Variants in CPED1 observed in about 807,000 individuals in gnomAD.
The protein encoded by CPED1 is cadherin-like and PC-esterase domain-containing protein 1.
CPED1 carries 114 observed loss-of-function variants against 128.2 expected under a neutral mutation model. The ratio of observed to expected loss-of-function variants is 0.89; its 90% CI spans 0.76 to 1.04. The LOEUF (loss-of-function observed/expected upper bound fraction) is 1.04. CPED1 is among the 50% of genes least tolerant of loss of function. The probability of loss-of-function intolerance (pLI) is 0.00; values close to 1 mark genes in which losing one functional copy is unlikely to be tolerated. For synonymous variants in CPED1, 462 were observed against 426.7 expected, an observed-to-expected ratio of 1.08 and a Z score of -1.02; for missense variants, 1,211 against 1,207.1, an observed-to-expected ratio of 1.00 and a Z score of -0.05.
At chr7:121,023,843 A>G (rs1488691269) in intron 3 of CPED1, among the ~76,000 whole-genome samples, 1 of 152,146 alleles carries the variant, frequency 6.6e-6, no homozygotes, top group African/African-American at 2.4e-5. Context: ...CTCTATGACT[A>G]TTTAGCAGGA....
At chr7:121,059,864 T>G (rs1044831637) in intron 4 of CPED1, among the ~76,000 whole-genome samples, 1 of 152,216 alleles carries the variant, frequency 6.6e-6, no homozygotes, top group Non-Finnish European at 1.5e-5. Flanking sequence ...GGCTCCCACT[T>G]TGGCCGCACT....
intron 4 of CPED1, among the ~76,000 whole-genome samples, chr7:121,055,673 A>T (rs1793479671): frequency 6.6e-6 from 1 of 151,570 alleles, no homozygotes; most frequent in South Asian, 2.1e-4. Flanking sequence ...GCTAGTAAAA[A>T]TTCACTCTAT....
At chr7:121,014,529 G>A (rs1422978325) in intron 2 of CPED1, among the ~76,000 whole-genome samples, 6 of 134,710 alleles carry the variant, frequency 4.5e-5, no homozygotes, top group South Asian at 2.4e-4. Flanking sequence ...CAGCCTGGGC[G>A]ACAGAGCGAG....
intron 2 of CPED1, among the ~76,000 whole-genome samples, chr7:121,012,783 T>G (rs1307372628): frequency 6.6e-6 from 1 of 152,208 alleles, no homozygotes; most frequent in Admixed American, 6.5e-5. Flanking sequence ...TAGTCTGAGA[T>G]GTGGGTTAAA....
At chr7:121,149,548 A>C (rs1294466184) in intron 16 of CPED1, 1 of 152,218 alleles carries the variant, frequency 6.6e-6, no homozygotes, top group Non-Finnish European at 1.5e-5. Context: ...CTGCTAGAAG[A>C]AGCAAACTTT....
chr7:121,016,890 AGAAGAGTCAGATC>A (rs1792317033), intron 3 of CPED1, among the ~76,000 whole-genome samples: 1 of 152,130 alleles, frequency 6.6e-6, no homozygotes, highest in South Asian at 2.1e-4. Context: ...CCTTTGGGGG[AGAAGAGTCAGATC>A]CTGGTATTAC....
intron 16 of CPED1, among the ~76,000 whole-genome samples, chr7:121,203,015 T>C (rs563635036): frequency 6.6e-6 from 1 of 152,206 alleles, no homozygotes; most frequent in South Asian, 2.1e-4. Context: ...AAGCCAGTTG[T>C]TCCTATTTTA....
chr7:121,131,967 T>A (rs2116338638), intron 12 of CPED1, among the ~76,000 whole-genome samples: 1 of 151,614 alleles, frequency 6.6e-6, no homozygotes, highest in East Asian at 1.9e-4. Flanking sequence ...GTAATGTTTT[T>A]TTTTTTTTAA....
chr7:121,119,357 G>A (rs914961114), intron 7 of CPED1, among the ~76,000 whole-genome samples: 1 of 150,666 alleles, frequency 6.6e-6, no homozygotes, highest in African/African-American at 2.4e-5. Context: ...AGTAGAAACG[G>A]GGTTTCACCA....
At chr7:121,144,212 A>G (rs1345778995) in intron 16 of CPED1, among the ~76,000 whole-genome samples, 2 of 152,092 alleles carry the variant, frequency 1.3e-5, no homozygotes, top group African/African-American at 4.8e-5. Flanking sequence ...AAAGGAAATC[A>G]GTATATTGAA....
chr7:120,998,445 G>C (rs1291796516), intron 2 of CPED1, among the ~76,000 whole-genome samples: 1 of 152,072 alleles, frequency 6.6e-6, no homozygotes, highest in Non-Finnish European at 1.5e-5. Flanking sequence ...CCTTAAATGA[G>C]ATAAATCACA....
intron 3 of CPED1, among the ~76,000 whole-genome samples, chr7:121,046,468 C>T (rs1192645273): frequency 6.6e-6 from 1 of 152,052 alleles, no homozygotes; most frequent in Non-Finnish European, 1.5e-5. Context: ...TTGATGTTTT[C>T]ACTTCTTATC....
chr7:121,217,450 A>T lies in CPED1; in HGVS notation c.2056-19264A>T, dbSNP rs73436075. Among the ~76,000 whole-genome samples the T allele has an allele frequency of 8.1e-3, 1,229 of 152,174 alleles. 16 individuals are homozygous for T. The highest frequency in any genetic ancestry group is 0.028 in the African/African-American group (1,157 of 41,548). On this transcript the variant is annotated intron_variant, in intron 16 of 22. Transcript: ENST00000310396. ...TAGTTCGGCTTTTCTCTAAGCCAAG[A>T]TATATCCTTGGAAGATGTCATTGTT...
At chr7:121,107,203 G>A (rs1563028173) in intron 7 of CPED1, among the ~76,000 whole-genome samples, 1 of 152,046 alleles carries the variant, frequency 6.6e-6, no homozygotes, top group Non-Finnish European at 1.5e-5. Flanking sequence ...TTTCTGTACA[G>A]ACACCTAGAG....
rs750939780 is a variant in CPED1 at position 121,015,811 on chromosome 7, G to T, written c.396G>T (p.Arg132Ser). 6 of 1,591,972 alleles carry T rather than the reference G, an allele frequency of 3.8e-6. No individual in the cohort carries two copies. Among genetic ancestry groups the T allele is most frequent in the Non-Finnish European group, 5.1e-6 (6 of 1,172,878 alleles). Residue 132 changes from arginine to serine, a missense_variant, in exon 3 of 23, where the codon AGG becomes AGT. Arg to Ser is a moderately radical substitution (Grantham distance 110). Coordinates refer to ENST00000310396, the MANE Select transcript of CPED1 (RefSeq NM_024913.5). ...HGYTVVIAEE[R>S]LNAGLGPGLL... is the part of the protein sequence containing the mutation. ...ATACGGTTGTCATCGCTGAAGAAAG[G>T]CTCAATGCTGGCCTAGGGCCGGGGC...
chr7:121,247,491 G>T (rs771309527), intron 18 of CPED1, among the ~76,000 whole-genome samples: 3 of 152,168 alleles, frequency 2.0e-5, no homozygotes, highest in Admixed American at 6.5e-5. Context: ...GAGAGAAAAC[G>T]CCAAAAGCAG....
At chr7:121,289,039 A>G (rs1450391400) in intron 22 of CPED1, among the ~76,000 whole-genome samples, 1 of 152,194 alleles carries the variant, frequency 6.6e-6, no homozygotes, top group Admixed American at 6.5e-5. Context: ...ATATAACCAA[A>G]TAAGGGTGGA....
chr7:121,153,351 G>A (rs987227465), intron 16 of CPED1, among the ~76,000 whole-genome samples: 2 of 152,022 alleles, frequency 1.3e-5, no homozygotes, highest in Non-Finnish European at 2.9e-5. Context: ...TCACTTTTTT[G>A]AAATCAGATT....
intron 16 of CPED1, chr7:121,195,109 A>G (rs528616941): frequency 6.6e-6 from 1 of 152,286 alleles, no homozygotes; most frequent in South Asian, 2.1e-4. Context: ...CAGTGTATAA[A>G]GTACCATACT....
Sources: allele counts gnomAD v4.1 joint callset (sites outside exome capture counted in the v4.1 genomes callset), GRCh38; gene constraint gnomAD v4.1.1; transcripts MANE v1.5; gene names NCBI Gene and HGNC (gene_info 2026-07-23, HGNC 2026-07-21).